UNC5B: variants seen among roughly 807,000 people sequenced by gnomAD.
UNC5B encodes netrin receptor UNC5B.
A neutral mutation model predicts 103.7 loss-of-function variants in UNC5B; 56 were observed. The observed-to-expected ratio is 0.54, with a 90% confidence interval of 0.44 to 0.67. UNC5B has a LOEUF of 0.67. UNC5B is among the 30% of genes least tolerant of loss of function. UNC5B has a pLI of 0.00. For missense variants in UNC5B, 1,194 were observed against 1,284.5 expected (o/e 0.93, Z 1.08); for synonymous variants, 577 against 542.0 (o/e 1.06, Z -0.90).
At chr10:71,271,021 C>CA (rs1564725141) in intron 1 of UNC5B, among the ~76,000 whole-genome samples, 3 of 152,118 alleles carry the variant, frequency 2.0e-5, no homozygotes, top group Non-Finnish European at 2.9e-5. Flanking sequence ...GGGGGCTTGC[C>CA]ACCTGTCACT....
At chr10:71,227,352 A>G (rs2132245300) in intron 1 of UNC5B, among the ~76,000 whole-genome samples, 1 of 152,108 alleles carries the variant, frequency 6.6e-6, no homozygotes, top group African/African-American at 2.4e-5. Context: ...CTCACTTGTA[A>G]GTGGGAGCTA....
chr10:71,283,203 A>G (rs933584011), intron 2 of UNC5B, among the ~76,000 whole-genome samples: 3 of 152,160 alleles, frequency 2.0e-5, no homozygotes, highest in African/African-American at 7.2e-5. Flanking sequence ...CTGCTCTGCA[A>G]CAGCTTGCTA....
At chr10:71,270,230 A>T (rs1320473171) in intron 1 of UNC5B, among the ~76,000 whole-genome samples, 1 of 151,920 alleles carries the variant, frequency 6.6e-6, no homozygotes, top group African/African-American at 2.4e-5. Context: ...TGTGCCTGTA[A>T]TCTCAGATAC....
intron 1 of UNC5B, among the ~76,000 whole-genome samples, chr10:71,270,084 T>G (rs1051782439): frequency 2.0e-5 from 3 of 152,110 alleles, no homozygotes; most frequent in Non-Finnish European, 4.4e-5. Flanking sequence ...GTGCAGTGGC[T>G]CACGCCTGTA....
intron 1 of UNC5B, among the ~76,000 whole-genome samples, chr10:71,215,830 TG>T: frequency 6.7e-6 from 1 of 149,654 alleles, no homozygotes; most frequent in Admixed American, 6.6e-5. Flanking sequence ...TGTGTGTGTG[TG>T]TGTGTGTGTG....
Position 71,293,256 on chromosome 10 carries a change from GC to G in UNC5B, c.1773-144del, listed in dbSNP as rs571957940. On this transcript the variant is annotated intron_variant, in intron 11 of 16. Coordinates refer to ENST00000335350, the MANE Select transcript of UNC5B (RefSeq NM_170744.5). ...TCATGCCATTTTCTTTGCCTCCTTT[GC>G]CCCCATGACCTCTGGGAATGCAGAG... 1.2e-4 allele frequency: 101 copies of G among 818,714 alleles called. No individual in the cohort carries two copies. In the African/African-American group the frequency reaches 1.6e-3, roughly 13 times the overall value. The allele number at this position is 818,714 out of a possible 1,614,324, so 50.7% of individuals were successfully genotyped here.
chr10:71,264,855 C>T (rs528598479), intron 1 of UNC5B, among the ~76,000 whole-genome samples: 7 of 151,976 alleles, frequency 4.6e-5, no homozygotes, highest in East Asian at 3.9e-4. Context: ...TGGACTTGGC[C>T]GGGCGCCATG....
At chr10:71,288,389 G>A (rs1178963311) in intron 6 of UNC5B, among the ~76,000 whole-genome samples, 179 bp from the exon 7 acceptor site, 1 of 152,210 alleles carries the variant, frequency 6.6e-6, no homozygotes, top group Non-Finnish European at 1.5e-5. Flanking sequence ...TCATTGGCAT[G>A]GGGTTATGTG....
chr10:71,253,757 A>G (rs902758067), intron 1 of UNC5B, among the ~76,000 whole-genome samples: 1 of 152,142 alleles, frequency 6.6e-6, no homozygotes, highest in African/African-American at 2.4e-5. Context: ...AGAGATCCCC[A>G]TAGCCTGGGA....
chr10:71,255,378 C>A (rs74145399), intron 1 of UNC5B, among the ~76,000 whole-genome samples: 5,518 of 152,246 alleles, frequency 0.036, 242 homozygotes, highest in African/African-American at 0.096. Context: ...TGTCATTCTC[C>A]GAAGTCCCAG....
intron 1 of UNC5B, among the ~76,000 whole-genome samples, chr10:71,260,791 C>G (rs1439015853): frequency 1.3e-5 from 2 of 152,204 alleles, no homozygotes; most frequent in Non-Finnish European, 2.9e-5. Flanking sequence ...CACTGCAGGC[C>G]AATTGTGATG....
intron 6 of UNC5B, among the ~76,000 whole-genome samples, chr10:71,288,203 A>AC (rs928857351): frequency 3.3e-5 from 5 of 150,392 alleles, no homozygotes; most frequent in African/African-American, 9.8e-5. Context: ...CTGCTCCCCT[A>AC]CCCCCGCACA....
intron 5 of UNC5B, 64 bp downstream of exon 5, chr10:71,286,933 T>G (rs1589195238): frequency 5.1e-6 from 8 of 1,577,196 alleles, no homozygotes; most frequent in Admixed American, 1.7e-5. Flanking sequence ...AGCCTGGGGG[T>G]AGGGGGGACC....
At chr10:71,244,550 G>A (rs1843979247) in intron 1 of UNC5B, among the ~76,000 whole-genome samples, 1 of 152,218 alleles carries the variant, frequency 6.6e-6, no homozygotes, top group Non-Finnish European at 1.5e-5. Context: ...CTTGCCCTAA[G>A]TTTGCCCCTA....
Position 71,300,905 on chromosome 10 carries a change from T to C in UNC5B, c.*1628T>C. Reference sequence around the variant, plus strand: ...AGAGATCTGAAATAACCTTTCCCAGTGGGCAGGGTTGCCAGGGTTGAGGGG... The same window carrying C: ...AGAGATCTGAAATAACCTTTCCCAGCGGGCAGGGTTGCCAGGGTTGAGGGG... On this transcript the variant is annotated 3_prime_UTR_variant, in exon 17 of 17. Transcript: ENST00000335350. 6.6e-6 allele frequency: 1 copy of C among 152,538 alleles called. No individual in the cohort carries two copies. The highest frequency in any genetic ancestry group is 1.9e-4 in the East Asian group (1 of 5,194). The allele number at this position is 152,538 out of a possible 1,614,324, so 9.4% of individuals were successfully genotyped here.
chr10:71,258,493 C>T (rs933688028), intron 1 of UNC5B, among the ~76,000 whole-genome samples: 1 of 152,178 alleles, frequency 6.6e-6, no homozygotes, highest in Non-Finnish European at 1.5e-5. Flanking sequence ...GTAGCTCCTC[C>T]AGGAAGCCTG....
At chr10:71,258,666 A>T (rs1430648650) in intron 1 of UNC5B, among the ~76,000 whole-genome samples, 2 of 152,198 alleles carry the variant, frequency 1.3e-5, no homozygotes, top group Non-Finnish European at 2.9e-5. Flanking sequence ...ACAGCTAGCG[A>T]CATCCCAAGC....
At chr10:71,283,477 G>A (rs1019474313) in intron 2 of UNC5B, among the ~76,000 whole-genome samples, 2 of 152,174 alleles carry the variant, frequency 1.3e-5, no homozygotes, top group Non-Finnish European at 2.9e-5. Context: ...ACACAAACCT[G>A]TCCAGCCATC....
At chr10:71,271,928 G>T (rs182149623) in intron 1 of UNC5B, among the ~76,000 whole-genome samples, 2 of 152,136 alleles carry the variant, frequency 1.3e-5, no homozygotes, top group Non-Finnish European at 2.9e-5. Flanking sequence ...CCCCGAGCCC[G>T]CCAGCCCCCA....
Sources: allele counts gnomAD v4.1 joint callset (sites outside exome capture counted in the v4.1 genomes callset), GRCh38; gene constraint gnomAD v4.1.1; transcripts MANE v1.5; gene names NCBI Gene and HGNC (gene_info 2026-07-23, HGNC 2026-07-21).